Variants in COL13A1 observed in about 807,000 individuals in gnomAD.
COL13A1 encodes collagen alpha-1(XIII) chain.
A neutral mutation model predicts 130.9 loss-of-function variants in COL13A1; 89 were observed. The observed-to-expected ratio is 0.68, with a 90% CI of 0.57 to 0.81. The LOEUF (loss-of-function observed/expected upper bound fraction) is 0.81, where lower values mean the gene tolerates loss of function less well. Ranked by LOEUF, COL13A1 falls within the 30% of genes least tolerant of loss-of-function variation. The pLI is 0.00. For missense variants in COL13A1, 879 were observed against 934.6 expected, an observed-to-expected ratio of 0.94 and a Z score of 0.78; for synonymous variants, 402 against 341.6, an observed-to-expected ratio of 1.18 and a Z score of -1.95.
chr10:69,883,591 T>C lies in COL13A1; in HGVS notation c.513+3038T>C, dbSNP rs572175291. Among the ~76,000 whole-genome samples, 115 of 152,286 alleles carry C rather than the reference T, an allele frequency of 7.6e-4. 1 individual carries two copies. Among genetic ancestry groups the C allele is most frequent in the African/African-American group, 2.7e-3 (114 of 41,564 alleles). ...CCATGACAATGCAGACAGCAAGTGC[T>C]AAGCCAGGGGATGGTTAGAGAGCTG... is the stretch of plus-strand genomic sequence containing the variant. On this transcript the variant is annotated intron_variant, in intron 7 of 40. Transcript: ENST00000645393.
chr10:69,889,785 T>C (rs1007755967), intron 10 of COL13A1, among the ~76,000 whole-genome samples: 7 of 152,166 alleles, frequency 4.6e-5, no homozygotes, highest in Non-Finnish European at 1.0e-4. Context: ...GGGGACACTT[T>C]CTCTAGGAGA....
chr10:69,867,199 C>T (rs539750766), intron 2 of COL13A1, among the ~76,000 whole-genome samples: 8 of 152,226 alleles, frequency 5.3e-5, no homozygotes, highest in South Asian at 4.1e-4. Flanking sequence ...AGGGTGGGGC[C>T]GGAGCCCGAG....
At chr10:69,877,005 A>T (rs2059633907) in intron 5 of COL13A1, among the ~76,000 whole-genome samples, 1 of 152,064 alleles carries the variant, frequency 6.6e-6, no homozygotes. Context: ...CTTCCCTCCC[A>T]TAGCAGTGGG....
intron 26 of COL13A1, 124 bp from the exon 27 acceptor site, chr10:69,926,963 C>T (rs1223170006): frequency 3.0e-6 from 4 of 1,319,724 alleles, no homozygotes; most frequent in Non-Finnish European, 4.3e-6. Flanking sequence ...CACCTGCAAG[C>T]GTCTCCCTCC....
At chr10:69,820,279 C>T (rs1186340245) in intron 1 of COL13A1, among the ~76,000 whole-genome samples, 1 of 152,256 alleles carries the variant, frequency 6.6e-6, no homozygotes, top group Non-Finnish European at 1.5e-5. Context: ...GCACCACCCA[C>T]TCATGCCACA....
chr10:69,894,438 C>A, intron 10 of COL13A1, 114 bp from the exon 11 acceptor site: 2 of 1,238,530 alleles, frequency 1.6e-6, no homozygotes, highest in Non-Finnish European at 2.3e-6. Context: ...AAGACCTGGC[C>A]ATGGCTGGTA....
intron 1 of COL13A1, among the ~76,000 whole-genome samples, chr10:69,816,834 A>G (rs996179123): frequency 6.6e-6 from 1 of 152,170 alleles, no homozygotes; most frequent in African/African-American, 2.4e-5. Flanking sequence ...CTTAGGGGAC[A>G]GTAGGGGAAG....
chr10:69,809,784 A>C (rs1280451184), intron 1 of COL13A1, among the ~76,000 whole-genome samples: 1 of 152,232 alleles, frequency 6.6e-6, no homozygotes, highest in African/African-American at 2.4e-5. Flanking sequence ...AGACATTATG[A>C]GAGTTGCTAA....
At chr10:69,821,907 G>T (rs1409558821) in intron 1 of COL13A1, among the ~76,000 whole-genome samples, 5 of 152,144 alleles carry the variant, frequency 3.3e-5, no homozygotes. Context: ...AGAGAGCCTT[G>T]CCATCCCCCT....
At chr10:69,933,529 C>T (rs932061005) in intron 31 of COL13A1, among the ~76,000 whole-genome samples, 2 of 152,052 alleles carry the variant, frequency 1.3e-5, no homozygotes, top group Non-Finnish European at 2.9e-5. Context: ...TCTGGGCAAC[C>T]CAAATAGCAC....
At chr10:69,925,905 T>G (rs1181654868) in intron 26 of COL13A1, 33 bp downstream of exon 26, 6 of 1,514,820 alleles carry the variant, frequency 4.0e-6, no homozygotes, top group Non-Finnish European at 5.4e-6. Flanking sequence ...GCCAAGATCC[T>G]CATGGATCTC....
In COL13A1 at chr10:69,893,703, G is replaced by A. The variant is rs147547616; in HGVS notation, c.604-849G>A. 1.8e-3 allele frequency among the ~76,000 whole-genome samples: 271 copies of A among 152,366 alleles called. 1 individual carries two copies. The highest frequency in any genetic ancestry group is 5.3e-3 in the African/African-American group (220 of 41,586). ...CAGTGGAAACAGCTGGACCTTGGCC[G>A]TCAGACAAACCTGGGCTCCTGTCCC... On this transcript the variant is annotated intron_variant, in intron 10 of 40. Coordinates refer to ENST00000645393, the MANE Select transcript of COL13A1 (RefSeq NM_001368882.1).
rs111933984 is a variant in COL13A1 at position 69,906,807 on chromosome 10, T to G, written c.921+985T>G. 1.6e-3 allele frequency among the ~76,000 whole-genome samples: 240 copies of G among 152,224 alleles called. 3 individuals are homozygous for G. Among genetic ancestry groups the G allele is most frequent in the Non-Finnish European group, 2.5e-3 (172 of 68,010 alleles). On this transcript the variant is annotated intron_variant, in intron 17 of 40. Transcript: ENST00000645393. Reference sequence around the variant, plus strand: ...GTGCAATGGCGTGATCTCGGCTCACTGCAACCCCCGCCTCCCAGGTTCAAG... The same window carrying G: ...GTGCAATGGCGTGATCTCGGCTCACGGCAACCCCCGCCTCCCAGGTTCAAG...
Position 69,894,583 on chromosome 10 carries a change from G to C in COL13A1, c.630+5G>C. The C allele has an allele frequency of 1.2e-6, 2 of 1,613,996 alleles. No homozygotes were observed. Among genetic ancestry groups the C allele is most frequent in the Non-Finnish European group, 1.7e-6 (2 of 1,179,900 alleles). On this transcript the variant is annotated splice_donor_5th_base_variant and intron_variant, in intron 11 of 40. Coordinates refer to ENST00000645393, the MANE Select transcript of COL13A1 (RefSeq NM_001368882.1). Reference sequence around the variant, plus strand: ...ACGGGTCCCCCAGGACAGCCGGTTGGTACCTCATCCATCTATTTCCCAGCA... The same window carrying C: ...ACGGGTCCCCCAGGACAGCCGGTTGCTACCTCATCCATCTATTTCCCAGCA...
At chr10:69,886,376 A>G (rs2060595578) in intron 7 of COL13A1, among the ~76,000 whole-genome samples, 1 of 152,224 alleles carries the variant, frequency 6.6e-6, no homozygotes, top group Non-Finnish European at 1.5e-5. Context: ...TCACACAGTC[A>G]TAGTCGGAGG....
At chr10:69,872,593 T>C (rs2134096247) in intron 4 of COL13A1, among the ~76,000 whole-genome samples, 1 of 152,320 alleles carries the variant, frequency 6.6e-6, no homozygotes, top group South Asian at 2.1e-4. Context: ...CAAACCACTG[T>C]TCCTCCTATG....
Position 69,958,911 on chromosome 10 carries a change from T to C in COL13A1, c.*210T>C, listed in dbSNP as rs1163246571. The C allele has an allele frequency of 1.6e-6, 1 of 618,258 alleles. No homozygotes were observed. The highest frequency in any genetic ancestry group is 1.9e-5 in the African/African-American group (1 of 53,460). 38.3% of individuals were successfully genotyped at this position (618,258 alleles called of 1,614,324 possible). The stretch of plus-strand genomic sequence containing the variant: ...GTATAAGCCTATGTCTCTAATACAT[T>C]TTTTGTTTGGTCGTAATGTCTGCAT... On this transcript the variant is annotated 3_prime_UTR_variant, in exon 41 of 41. Coordinates refer to ENST00000645393, the MANE Select transcript of COL13A1 (RefSeq NM_001368882.1).
intron 40 of COL13A1, among the ~76,000 whole-genome samples, chr10:69,957,261 G>A (rs554355983): frequency 6.6e-6 from 1 of 152,330 alleles, no homozygotes; most frequent in South Asian, 2.1e-4. Context: ...TAGGCGGAAT[G>A]TCCATGCAGC....
At chr10:69,905,761 T>TA in intron 16 of COL13A1, 26 bp from the exon 17 acceptor site, 8 of 1,612,446 alleles carry the variant, frequency 5.0e-6, no homozygotes, top group Non-Finnish European at 6.8e-6. Flanking sequence ...AAAACCTCTT[T>TA]AATGGCCTTC....
Sources: allele counts gnomAD v4.1 joint callset (sites outside exome capture counted in the v4.1 genomes callset), GRCh38; gene constraint gnomAD v4.1.1; transcripts MANE v1.5; gene names NCBI Gene and HGNC (gene_info 2026-07-23, HGNC 2026-07-21).